The following CAPN5 variants were observed in gnomAD, a reference collection of about 807,000 sequenced individuals.
The protein encoded by CAPN5 is calpain-5.
Under a neutral mutation model 73.0 loss-of-function variants are expected in CAPN5, and 54 were observed. The observed-to-expected ratio is 0.74, with a 90% CI of 0.59 to 0.93. CAPN5 has a LOEUF of 0.93. Ranked by LOEUF, CAPN5 falls within the 40% of genes least tolerant of loss-of-function variation. The pLI, the probability that CAPN5 is intolerant of heterozygous loss-of-function variation, is 0.00. For synonymous variants in CAPN5, 335 were observed against 356.9 expected (o/e 0.94, Z 0.69); for missense variants, 785 against 882.9 (o/e 0.89, Z 1.41).
rs555428002 is a variant in CAPN5 at position 77,093,661 on chromosome 11, C to T, written c.166-21C>T. On this transcript the variant is annotated intron_variant, in intron 2 of 12. Transcript: ENST00000648180. ...CGCATGCTCCTCCGCCCCTCACGCTCTCTCCTCGCCTTCTCCGCAGGGCAT... is the reference window on the plus strand; with the variant it reads ...CGCATGCTCCTCCGCCCCTCACGCTTTCTCCTCGCCTTCTCCGCAGGGCAT... 5.8e-6 allele frequency: 9 copies of T among 1,557,304 alleles called. No individual in the cohort carries two copies. The East Asian group carries it at 1.9e-4, about 33-fold the overall frequency.
Position 77,122,587 on chromosome 11 carries a change from T to TA in CAPN5, c.1616dup (p.Tyr539Ter). 1 of 1,564,942 alleles carries TA rather than the reference T, an allele frequency of 6.4e-7. No homozygotes were observed. Among genetic ancestry groups the TA allele is most frequent in the Non-Finnish European group, 8.7e-7 (1 of 1,149,232 alleles). ...CTCCCTCTCCCTAGGGGCTAACTCT[T>TA]ATGTGATCATCAAGTGTGAGGGAGA... is the stretch of plus-strand genomic sequence containing the variant. ...LKDSPTGANS[Y>*]VIIKCEGDKV... is the part of the protein sequence containing the mutation. Residue 539 changes from tyrosine (Y) to a stop codon, truncating the protein, a stop_gained and frameshift_variant, in exon 12 of 13, where the codon TAT (tyrosine) becomes TAAT (stop). Coordinates refer to ENST00000648180, the MANE Select transcript of CAPN5 (RefSeq NM_004055.5). LOFTEE classifies it high-confidence loss of function.
Position 77,120,816 on chromosome 11 carries a change from A to AG in CAPN5, c.1397dup (p.Arg467ProfsTer24). 6.2e-7 allele frequency: 1 copy of AG among 1,614,146 alleles called. No individual in the cohort carries two copies. ...GTCTTCCTGCGCACCGACCAGCCCG[A>AG]GGGCCGCTATGTCATCATCCCCACA... is the stretch of plus-strand genomic sequence containing the variant. On this transcript the variant is annotated frameshift_variant, in exon 10 of 13. Coordinates refer to ENST00000648180, the MANE Select transcript of CAPN5 (RefSeq NM_004055.5). LOFTEE classifies it high-confidence loss of function.
intron 1 of CAPN5, among the ~76,000 whole-genome samples, chr11:77,084,075 G>A (rs559095889): frequency 2.6e-5 from 4 of 152,318 alleles, no homozygotes; most frequent in East Asian, 1.9e-4. Flanking sequence ...GTGCTTGGCC[G>A]TCCGAGCATC....
intron 3 of CAPN5, among the ~76,000 whole-genome samples, chr11:77,097,264 G>A (rs527245383): frequency 1.2e-4 from 19 of 152,124 alleles, no homozygotes; most frequent in African/African-American, 4.6e-4. Flanking sequence ...GTCCCTGACC[G>A]GGTTATATTA....
intron 1 of CAPN5, among the ~76,000 whole-genome samples, chr11:77,071,385 T>C (rs1949904958): frequency 6.6e-6 from 1 of 152,214 alleles, no homozygotes; most frequent in South Asian, 2.1e-4. Context: ...GACAGCGTGC[T>C]GGGCCTTTCA....
chr11:77,073,548 G>A (rs1949934064), intron 1 of CAPN5, among the ~76,000 whole-genome samples: 3 of 152,154 alleles, frequency 2.0e-5, no homozygotes, highest in Admixed American at 2.0e-4. Context: ...CTCACATGCT[G>A]TGCTGTGAGG....
At position 77,123,754 on chromosome 11, in the gene CAPN5, A is replaced by G. The variant is rs781969027; in HGVS notation, c.1807A>G (p.Asn603Asp). The change falls in exon 13 of 13, where the codon AAC becomes GAC. Residue 603 changes from asparagine (N) to aspartate (D), a missense_variant. Transcript: ENST00000648180. ...GQVHLKADPD[N>D]LQALHTLHLR... ...GGTGCACCTAAAGGCTGACCCGGAC[A>G]ACCTCCAGGCCCTGCATACCCTCCA... is the stretch of plus-strand genomic sequence containing the variant. The G allele has an allele frequency of 6.8e-6, 11 of 1,613,774 alleles. No individual in the cohort carries two copies. Among genetic ancestry groups the G allele is most frequent in the Middle Eastern group, 1.6e-4 (1 of 6,084 alleles).
chr11:77,116,236 T>C lies in CAPN5; in HGVS notation c.904T>C (p.Trp302Arg). 6.2e-7 allele frequency: 1 copy of C among 1,612,012 alleles called. No homozygotes were observed. Among genetic ancestry groups the C allele is most frequent in the South Asian group, 1.1e-5 (1 of 90,468 alleles). ...NGPWSDTSEE[W>R]QKVSKSEREK... Reference sequence around the variant, plus strand: ...GCCCTGACACCCCAGCTCGGAGGAGTGGCAGAAAGTGAGCAAGAGTGAGCG... The same window carrying C: ...GCCCTGACACCCCAGCTCGGAGGAGCGGCAGAAAGTGAGCAAGAGTGAGCG... The change falls in exon 7 of 13, where the codon TGG becomes CGG. Residue 302 changes from tryptophan (W) to arginine (R), a missense_variant. Physicochemically the swap from Trp to Arg is moderately radical, Grantham distance 101 (BLOSUM62 -3). Coordinates refer to ENST00000648180, the MANE Select transcript of CAPN5 (RefSeq NM_004055.5).
intron 3 of CAPN5, among the ~76,000 whole-genome samples, chr11:77,098,403 G>A (rs1345310473): frequency 3.4e-4 from 39 of 114,194 alleles, no homozygotes; most frequent in African/African-American, 1.2e-3. Context: ...CTCCCGGACC[G>A]GGCGGCTGGC....
chr11:77,093,851 T>C (rs1950180238), intron 3 of CAPN5, 38 bp downstream of exon 3: 3 of 1,596,032 alleles, frequency 1.9e-6, no homozygotes, highest in Non-Finnish European at 2.6e-6. Flanking sequence ...TGCTGGGGAG[T>C]GTGAACGCAG....
At position 77,104,226 on chromosome 11, in the gene CAPN5, A is replaced by G. The variant is rs547658773; in HGVS notation, c.298-8363A>G. On this transcript the variant is annotated intron_variant, in intron 3 of 12. Transcript: ENST00000648180. ...GTTCAGATAGTGAAACAGGGAGTGG[A>G]TTAGTAAAGGGGGTTCCCTTTGCCT... Among the ~76,000 whole-genome samples the G allele has an allele frequency of 8.5e-4, 129 of 152,252 alleles. 1 individual carries two copies. The highest frequency in any genetic ancestry group is 2.9e-3 in the African/African-American group (121 of 41,538).
chr11:77,108,304 G>A (rs1196006411), intron 3 of CAPN5, among the ~76,000 whole-genome samples: 4 of 152,194 alleles, frequency 2.6e-5, no homozygotes, highest in Non-Finnish European at 5.9e-5. Context: ...GGGGTGCCAG[G>A]AAAGGGGCTG....
At chr11:77,123,622 C>A in intron 12 of CAPN5, 66 bp from the exon 13 acceptor site, 4 of 1,356,660 alleles carry the variant, frequency 2.9e-6, no homozygotes, top group Non-Finnish European at 4.2e-6. Context: ...CCAGCACCCC[C>A]CATAGACCTA....
chr11:77,112,477 C>G (rs1950421039), intron 3 of CAPN5, 112 bp from the exon 4 acceptor site: 1 of 808,848 alleles, frequency 1.2e-6, no homozygotes, highest in Non-Finnish European at 2.1e-6. Flanking sequence ...GGAATCCGAA[C>G]CCAGTATTCC....
At chr11:77,105,801 C>T (rs1950340206) in intron 3 of CAPN5, among the ~76,000 whole-genome samples, 1 of 152,246 alleles carries the variant, frequency 6.6e-6, no homozygotes, top group African/African-American at 2.4e-5. Flanking sequence ...GACTTCAGTG[C>T]CTCACTTGAT....
At chr11:77,087,892 T>G in intron 2 of CAPN5, 1 of 1,535,560 alleles carries the variant, frequency 6.5e-7, no homozygotes, top group South Asian at 1.2e-5. Flanking sequence ...GCACCTGCCT[T>G]CAGCCCACAC....
intron 8 of CAPN5, among the ~76,000 whole-genome samples, chr11:77,118,793 A>G (rs563861942): frequency 2.6e-5 from 4 of 152,304 alleles, no homozygotes; most frequent in African/African-American, 7.2e-5. Flanking sequence ...TCTGTTGAGC[A>G]CCACCTGTGT....
In CAPN5 at chr11:77,079,294, A is replaced by G. The variant is rs541970334; in HGVS notation, c.-35-5558A>G. 2.0e-5 allele frequency among the ~76,000 whole-genome samples: 3 copies of G among 152,252 alleles called. No homozygotes were observed. In the East Asian group the frequency reaches 5.8e-4, roughly 29 times the overall value. On this transcript the variant is annotated intron_variant, in intron 1 of 12. Transcript: ENST00000648180. ...TGTTGAAGGTTTTGCATCTGTGTTC[A>G]TAAGGCATATTGGCCTATAATTTTC...
chr11:77,125,273 G>A lies in CAPN5; in HGVS notation c.*1403G>A, dbSNP rs1368874058. 1 of 152,830 alleles carries A rather than the reference G, an allele frequency of 6.5e-6. No individual in the cohort carries two copies. Among genetic ancestry groups the A allele is most frequent in the South Asian group, 2.1e-4 (1 of 4,834 alleles). The allele number at this position is 152,830 out of a possible 1,614,324, so 9.5% of individuals were successfully genotyped here. Reference sequence around the variant, plus strand: ...ACTCCAGATCCTGCTGTCTGGATCAGTGTTCTGGCTGGAGGTGCTGGATTC... The same window carrying A: ...ACTCCAGATCCTGCTGTCTGGATCAATGTTCTGGCTGGAGGTGCTGGATTC... On this transcript the variant is annotated 3_prime_UTR_variant, in exon 13 of 13. Transcript: ENST00000648180.
Sources: allele counts gnomAD v4.1 joint callset (sites outside exome capture counted in the v4.1 genomes callset), GRCh38; gene constraint gnomAD v4.1.1; transcripts MANE v1.5; gene names NCBI Gene and HGNC (gene_info 2026-07-23, HGNC 2026-07-21).